Variants in ST6GALNAC3 observed in about 807,000 individuals in gnomAD.
The protein encoded by ST6GALNAC3 is ST6 N-acetylgalactosaminide alpha-2,6-sialyltransferase 3.
A neutral mutation model predicts 32.7 loss-of-function variants in ST6GALNAC3; 25 were observed. The ratio of observed to expected loss-of-function variants is 0.76; its 90% CI spans 0.56 to 1.07. ST6GALNAC3 has a LOEUF of 1.07. Ranked by LOEUF, ST6GALNAC3 falls within the 50% of genes least tolerant of loss-of-function variation. The pLI, the probability that ST6GALNAC3 is intolerant of heterozygous loss-of-function variation, is 0.00. For synonymous variants in ST6GALNAC3, 129 were observed against 133.1 expected, an observed-to-expected ratio of 0.97 and a Z score of 0.21; for missense variants, 355 against 382.4, an observed-to-expected ratio of 0.93 and a Z score of 0.60.
At chr1:76,230,388 AAAG>A (rs1445707628) in intron 1 of ST6GALNAC3, among the ~76,000 whole-genome samples, 1 of 152,318 alleles carries the variant, frequency 6.6e-6, no homozygotes, top group East Asian at 1.9e-4. Context: ...GGATGAAAGA[AAAG>A]AAGGATGCAA....
intron 1 of ST6GALNAC3, among the ~76,000 whole-genome samples, chr1:76,251,893 G>A (rs1035814674): frequency 2.6e-5 from 4 of 152,118 alleles, no homozygotes; most frequent in East Asian, 3.9e-4. Context: ...CAGAAGATAC[G>A]CTCCTTAAAG....
At chr1:76,267,448 T>C (rs1658596494) in intron 1 of ST6GALNAC3, among the ~76,000 whole-genome samples, 1 of 152,192 alleles carries the variant, frequency 6.6e-6, no homozygotes, top group African/African-American at 2.4e-5. Context: ...TTTCTTTCTC[T>C]TTACCAGAAC....
intron 1 of ST6GALNAC3, among the ~76,000 whole-genome samples, chr1:76,287,810 G>T (rs1035917258): frequency 6.6e-6 from 1 of 152,162 alleles, no homozygotes; most frequent in Non-Finnish European, 1.5e-5. Flanking sequence ...ATGCACCTTT[G>T]CAAACAATAG....
At chr1:76,348,079 A>G (rs1648668683) in intron 2 of ST6GALNAC3, among the ~76,000 whole-genome samples, 1 of 152,158 alleles carries the variant, frequency 6.6e-6, no homozygotes, top group Non-Finnish European at 1.5e-5. Flanking sequence ...TACCAACTAG[A>G]AGTTCTGAAA....
chr1:76,634,295 G>T lies in ST6GALNAC3; in HGVS notation c.*5489G>T. ...GAAACTTCAAAAAGATCAAAACGAG[G>T]CAATTTTATAGCTTTTTGTTACCTA... is the stretch of plus-strand genomic sequence containing the variant. On this transcript the variant is annotated 3_prime_UTR_variant, in exon 5 of 5. Coordinates refer to ENST00000328299, the MANE Select transcript of ST6GALNAC3 (RefSeq NM_152996.4). 1 of 427,614 alleles carries T rather than the reference G, an allele frequency of 2.3e-6. No individual in the cohort carries two copies. The highest frequency in any genetic ancestry group is 3.1e-6 in the Non-Finnish European group (1 of 320,308). The allele number at this position is 427,614 out of a possible 1,614,324, so 26.5% of individuals were successfully genotyped here.
chr1:76,085,437 G>T (rs748855216), intron 1 of ST6GALNAC3, among the ~76,000 whole-genome samples: 9 of 152,164 alleles, frequency 5.9e-5, no homozygotes, highest in Non-Finnish European at 1.2e-4. Flanking sequence ...GAATGGTGGG[G>T]ATATTTACTG....
chr1:76,501,255 A>G (rs924968484), intron 3 of ST6GALNAC3, among the ~76,000 whole-genome samples: 24 of 152,208 alleles, frequency 1.6e-4, no homozygotes, highest in African/African-American at 5.3e-4. Context: ...AGCCTGTTCA[A>G]TGACTCCAGC....
intron 3 of ST6GALNAC3, among the ~76,000 whole-genome samples, chr1:76,450,164 T>C (rs1280830885): frequency 2.0e-5 from 3 of 152,168 alleles, no homozygotes; most frequent in African/African-American, 7.2e-5. Context: ...TGTTTTCTAG[T>C]GGTTGTACTA....
intron 3 of ST6GALNAC3, among the ~76,000 whole-genome samples, chr1:76,513,181 G>A (rs569986919): frequency 1.2e-4 from 18 of 152,026 alleles, no homozygotes; most frequent in Admixed American, 5.2e-4. Flanking sequence ...CTATGCTTTT[G>A]AGGTCTTATT....
At chr1:76,396,274 G>C (rs1228898491) in intron 2 of ST6GALNAC3, among the ~76,000 whole-genome samples, 1 of 152,094 alleles carries the variant, frequency 6.6e-6, no homozygotes, top group Non-Finnish European at 1.5e-5. Context: ...AGACCAGCCT[G>C]GGCAACATGG....
chr1:76,624,119 T>C (rs1018311516), intron 3 of ST6GALNAC3, among the ~76,000 whole-genome samples: 2 of 151,970 alleles, frequency 1.3e-5, no homozygotes, highest in African/African-American at 4.8e-5. Context: ...GTGCTGTTTG[T>C]AGGACAGGGC....
chr1:76,611,536 C>A (rs1267324074), intron 3 of ST6GALNAC3, among the ~76,000 whole-genome samples: 1 of 152,140 alleles, frequency 6.6e-6, no homozygotes, highest in East Asian at 1.9e-4. Flanking sequence ...CTCCACTCTT[C>A]TCCATACCCC....
intron 3 of ST6GALNAC3, among the ~76,000 whole-genome samples, chr1:76,495,022 T>A (rs1281476353): frequency 6.6e-6 from 1 of 152,096 alleles, no homozygotes; most frequent in African/African-American, 2.4e-5. Context: ...AGGTCAGTCT[T>A]TTTGTTCTAT....
intron 3 of ST6GALNAC3, among the ~76,000 whole-genome samples, chr1:76,585,861 C>T (rs1391958874): frequency 6.6e-6 from 1 of 152,134 alleles, no homozygotes; most frequent in Non-Finnish European, 1.5e-5. Context: ...TTATGCATCT[C>T]AAAGTCTGTG....
chr1:76,324,829 T>C (rs1295741446), intron 2 of ST6GALNAC3, among the ~76,000 whole-genome samples: 1 of 152,214 alleles, frequency 6.6e-6, no homozygotes, highest in Non-Finnish European at 1.5e-5. Flanking sequence ...GTGGGCTATA[T>C]GGTAACTATC....
chr1:76,577,669 A>T (rs566030672), intron 3 of ST6GALNAC3, among the ~76,000 whole-genome samples: 1 of 152,058 alleles, frequency 6.6e-6, no homozygotes, highest in Admixed American at 6.6e-5. Flanking sequence ...CTGTCCTCCC[A>T]GCATTGTGCA....
At chr1:76,428,703 G>C (rs1180843117) in intron 3 of ST6GALNAC3, among the ~76,000 whole-genome samples, 7 of 151,988 alleles carry the variant, frequency 4.6e-5, no homozygotes, top group Non-Finnish European at 1.5e-5. Flanking sequence ...TATTATAATG[G>C]TCATAATGTA....
intron 2 of ST6GALNAC3, among the ~76,000 whole-genome samples, chr1:76,341,609 CTTTCTTTCTTT>C (rs1647985131): frequency 3.4e-5 from 2 of 58,220 alleles, no homozygotes; most frequent in African/African-American, 1.5e-4. Context: ...AACTGCTTTT[CTTTCTTTCTTT>C]CTTTCTTTCT....
intron 1 of ST6GALNAC3, among the ~76,000 whole-genome samples, chr1:76,294,646 G>T (rs1660289172): frequency 1.3e-5 from 2 of 152,064 alleles, no homozygotes; most frequent in South Asian, 2.1e-4. Context: ...GCGGTAAAAG[G>T]CAGTCAAGCA....
Sources: allele counts gnomAD v4.1 joint callset (sites outside exome capture counted in the v4.1 genomes callset), GRCh38; gene constraint gnomAD v4.1.1; transcripts MANE v1.5; gene names NCBI Gene and HGNC (gene_info 2026-07-23, HGNC 2026-07-21).